ALDH1L1: variants seen among roughly 807,000 people sequenced by gnomAD.
ALDH1L1 encodes the protein aldehyde dehydrogenase 1 family member L1.
ALDH1L1 carries 68 observed loss-of-function variants against 101.1 expected under a neutral mutation model. The ratio of observed to expected loss-of-function variants is 0.67; its 90% CI spans 0.55 to 0.82. The LOEUF is 0.82. Among genes scored for constraint, ALDH1L1 ranks in the 40% least tolerant of loss-of-function variants. The probability of loss-of-function intolerance (pLI) is 0.00; values close to 1 mark genes in which losing one functional copy is unlikely to be tolerated. For synonymous variants in ALDH1L1, 486 were observed against 470.8 expected, an observed-to-expected ratio of 1.03 and a Z score of -0.42; for missense variants, 1,087 against 1,172.7, an observed-to-expected ratio of 0.93 and a Z score of 1.07.
chr3:126,108,661 C>T (rs916290862), intron 20 of ALDH1L1, among the ~76,000 whole-genome samples: 7 of 152,212 alleles, frequency 4.6e-5, no homozygotes, highest in African/African-American at 1.2e-4. Context: ...CGGGCATGCC[C>T]GGGCTTGGAT....
At chr3:126,114,766 A>C in intron 17 of ALDH1L1, 110 bp from the exon 18 acceptor site, 1 of 1,046,186 alleles carries the variant, frequency 9.6e-7, no homozygotes, top group Non-Finnish European at 1.5e-6. Flanking sequence ...TGCTGCAAGA[A>C]GCAAGACCCG....
chr3:126,133,167 G>A (rs986376767), intron 12 of ALDH1L1, among the ~76,000 whole-genome samples: 2 of 152,194 alleles, frequency 1.3e-5, no homozygotes, highest in African/African-American at 4.8e-5. Flanking sequence ...AAACAGGTAC[G>A]TTTTTAGCCA....
chr3:126,155,194 T>C (rs1376502936), intron 5 of ALDH1L1, among the ~76,000 whole-genome samples: 1 of 152,206 alleles, frequency 6.6e-6, no homozygotes, highest in Non-Finnish European at 1.5e-5. Context: ...GAACCTGGAA[T>C]GGACCCTGTT....
In ALDH1L1 at chr3:126,131,539, C is replaced by T; in HGVS notation, c.1473-5G>A. On this transcript the variant is annotated splice_region_variant and splice_polypyrimidine_tract_variant and intron_variant, in intron 12 of 22. Coordinates refer to ENST00000393434, the MANE Select transcript of ALDH1L1 (RefSeq NM_012190.4). ...TGCTCCATGAGATCTGCCAACCTGA[C>T]CAGGGTGAGGGGAAGCGGGAGGTGG... 1 of 1,600,212 alleles carries T rather than the reference C, an allele frequency of 6.2e-7. No homozygotes were observed. Among genetic ancestry groups the T allele is most frequent in the Non-Finnish European group, 8.6e-7 (1 of 1,168,912 alleles).
At chr3:126,192,361 G>A (rs2081557779) in intron 1 of ALDH1L1, among the ~76,000 whole-genome samples, 1 of 152,158 alleles carries the variant, frequency 6.6e-6, no homozygotes. Flanking sequence ...TTACATAAAG[G>A]TTTAGAATGA....
chr3:126,186,850 T>C (rs567123963), intron 1 of ALDH1L1, among the ~76,000 whole-genome samples: 4 of 152,074 alleles, frequency 2.6e-5, no homozygotes, highest in South Asian at 2.1e-4. Context: ...GGGAGCTCCA[T>C]GTGAAGTAGC....
intron 13 of ALDH1L1, among the ~76,000 whole-genome samples, 178 bp downstream of exon 13, chr3:126,131,206 C>T (rs1329936441): frequency 6.6e-6 from 1 of 152,240 alleles, no homozygotes; most frequent in Non-Finnish European, 1.5e-5. Context: ...GGAACCCAGC[C>T]CAGCCTGCCT....
At chr3:126,115,044 C>T (rs1173236791) in intron 17 of ALDH1L1, 1 of 456,572 alleles carries the variant, frequency 2.2e-6, no homozygotes, top group African/African-American at 2.0e-5. Context: ...ACCTGCAGAG[C>T]ATGAGCCTGG....
At chr3:126,136,906 A>G (rs2080459325) in intron 10 of ALDH1L1, 23 bp from the exon 11 acceptor site, 5 of 1,613,170 alleles carry the variant, frequency 3.1e-6, no homozygotes, top group Non-Finnish European at 4.2e-6. Flanking sequence ...CCCCAGTGAC[A>G]AGCACAAACC....
At chr3:126,130,337 C>T (rs2080276690) in intron 13 of ALDH1L1, 44 bp from the exon 14 acceptor site, 1 of 1,529,148 alleles carries the variant, frequency 6.5e-7, no homozygotes, top group East Asian at 2.4e-5. Flanking sequence ...CCAGGGTCCA[C>T]ACCCCTTCCC....
chr3:126,155,358 C>G (rs759641181), intron 5 of ALDH1L1, 44 bp downstream of exon 5: 4 of 1,569,114 alleles, frequency 2.5e-6, no homozygotes, highest in Non-Finnish European at 3.5e-6. Context: ...CAACCCCAGT[C>G]TGCTCACAGG....
chr3:126,127,052 A>G (rs980568647), intron 14 of ALDH1L1, among the ~76,000 whole-genome samples: 11 of 152,310 alleles, frequency 7.2e-5, no homozygotes, highest in African/African-American at 2.6e-4. Context: ...TCATGTGGAA[A>G]CAGCTCTGCC....
intron 9 of ALDH1L1, among the ~76,000 whole-genome samples, chr3:126,146,521 A>C (rs1475840824): frequency 6.6e-6 from 1 of 152,216 alleles, no homozygotes; most frequent in African/African-American, 2.4e-5. Context: ...TGGTTGGCAC[A>C]ATACATAACC....
chr3:126,103,873 A>G, intron 22 of ALDH1L1, 27 bp from the exon 23 acceptor site: 3 of 1,610,552 alleles, frequency 1.9e-6, no homozygotes, highest in Non-Finnish European at 2.5e-6. Context: ...AGGTCACAGC[A>G]GCTCCCACCA....
intron 1 of ALDH1L1, among the ~76,000 whole-genome samples, chr3:126,196,343 T>C (rs1411898860): frequency 6.6e-6 from 1 of 151,130 alleles, no homozygotes; most frequent in African/African-American, 2.4e-5. Flanking sequence ...GAGGGATCTA[T>C]CCATTTCCAA....
At chr3:126,178,812 A>G (rs1425829595) in intron 1 of ALDH1L1, among the ~76,000 whole-genome samples, 1 of 152,140 alleles carries the variant, frequency 6.6e-6, no homozygotes, top group Non-Finnish European at 1.5e-5. Context: ...AAAGCCTAGA[A>G]GAATTTACAC....
At chr3:126,146,695 T>C (rs1272350193) in intron 9 of ALDH1L1, 140 bp downstream of exon 9, 2 of 822,820 alleles carry the variant, frequency 2.4e-6, no homozygotes, top group Non-Finnish European at 3.8e-6. Flanking sequence ...CACGCAGACC[T>C]GCACACTGGC....
rs746651860 is a variant in ALDH1L1 at position 126,110,052 on chromosome 3, C to T, written c.2239G>A (p.Gly747Arg). ...AGGTGGGCATGGTGATTCTGCGGCC[C>T]GTGGTCGGTGTCCCTGTCCAGCGGG... ...GNPLDRDTDH[G>R]PQNHHAHLVK... is the part of the protein sequence containing the mutation. The change falls in exon 20 of 23, where the codon GGG (glycine) becomes AGG (arginine). Residue 747 changes from glycine to arginine, a missense_variant. Physicochemically the swap from Gly to Arg is moderately radical, Grantham distance 125. Transcript: ENST00000393434. The T allele has an allele frequency of 7.4e-6, 12 of 1,614,190 alleles. No homozygotes were observed. Among genetic ancestry groups the T allele is most frequent in the East Asian group, 2.2e-5 (1 of 44,886 alleles).
At chr3:126,135,969 G>A (rs1271079281) in intron 11 of ALDH1L1, among the ~76,000 whole-genome samples, 1 of 152,136 alleles carries the variant, frequency 6.6e-6, no homozygotes, top group African/African-American at 2.4e-5. Flanking sequence ...AGGGGAGCCG[G>A]TGGGGTGTGG....
Sources: gnomAD v4.1 joint callset for allele counts (sites outside exome capture counted in the v4.1 genomes callset) on GRCh38, gnomAD v4.1.1 for gene constraint, MANE v1.5 for transcripts, NCBI Gene and HGNC (gene_info 2026-07-23, HGNC 2026-07-21) for gene names.